Variants in PCDH9 observed in about 807,000 individuals in gnomAD.
PCDH9 encodes the protein protocadherin 9, also known as protocadherin-9.
In PCDH9, 24 loss-of-function variants were observed where a neutral mutation model predicts 70.6. That is an observed-to-expected ratio of 0.34 (90% CI 0.25 to 0.48). The LOEUF is 0.48. Among genes scored for constraint, PCDH9 ranks in the 20% least tolerant of loss-of-function variants. The pLI is 0.99. For missense variants in PCDH9, 1,281 were observed against 1,503.6 expected, an observed-to-expected ratio of 0.85 and a Z score of 2.45; for synonymous variants, 562 against 558.5, an observed-to-expected ratio of 1.01 and a Z score of -0.09.
At chr13:66,866,099 T>C (rs1031328895) in intron 3 of PCDH9, among the ~76,000 whole-genome samples, 12 of 152,188 alleles carry the variant, frequency 7.9e-5, no homozygotes, top group African/African-American at 2.9e-4. Context: ...GGAATAAATA[T>C]GTGCACACAA....
intron 3 of PCDH9, among the ~76,000 whole-genome samples, chr13:66,852,606 A>C (rs975854589): frequency 6.6e-6 from 1 of 152,136 alleles, no homozygotes; most frequent in African/African-American, 2.4e-5. Context: ...CCTTCTTACC[A>C]ACTTCATCTT....
intron 4 of PCDH9, among the ~76,000 whole-genome samples, chr13:66,400,725 T>C (rs538685555): frequency 6.6e-6 from 1 of 152,268 alleles, no homozygotes; most frequent in African/African-American, 2.4e-5. Flanking sequence ...CTCAAGAAAA[T>C]TTGAGTGGAA....
chr13:66,628,724 A>AT (rs2077530826), intron 4 of PCDH9, among the ~76,000 whole-genome samples: 1 of 152,246 alleles, frequency 6.6e-6, no homozygotes, highest in South Asian at 2.1e-4. Flanking sequence ...TTCTTCAAAT[A>AT]GATTTTCAGT....
intron 2 of PCDH9, among the ~76,000 whole-genome samples, chr13:66,917,131 AT>A (rs2139634527): frequency 6.6e-6 from 1 of 151,654 alleles, no homozygotes; most frequent in East Asian, 1.9e-4. Flanking sequence ...TGAAACTTTT[AT>A]CCACTCATTT....
chr13:66,504,620 C>T (rs534581693), intron 4 of PCDH9, among the ~76,000 whole-genome samples: 1 of 152,270 alleles, frequency 6.6e-6, no homozygotes, highest in African/African-American at 2.4e-5. Flanking sequence ...ATAGACTGAA[C>T]TTGTATGAGC....
chr13:67,008,264 C>T (rs920691450), intron 2 of PCDH9, among the ~76,000 whole-genome samples: 5 of 152,044 alleles, frequency 3.3e-5, no homozygotes, highest in Admixed American at 1.3e-4. Context: ...CTATAACTAA[C>T]AGTGGAATTT....
intron 4 of PCDH9, among the ~76,000 whole-genome samples, chr13:66,611,987 C>G (rs1157284648): frequency 6.6e-6 from 1 of 152,162 alleles, no homozygotes; most frequent in Non-Finnish European, 1.5e-5. Flanking sequence ...TCTTCAGTCT[C>G]TTACTTAAGA....
At chr13:66,709,697 T>G (rs2078766740) in intron 3 of PCDH9, among the ~76,000 whole-genome samples, 1 of 152,204 alleles carries the variant, frequency 6.6e-6, no homozygotes, top group Non-Finnish European at 1.5e-5. Context: ...TAAATATGTT[T>G]GTAACATGGG....
At position 66,721,178 on chromosome 13, in the gene PCDH9, A is replaced by G. The variant is rs180919370; in HGVS notation, c.3139-89767T>C. On this transcript the variant is annotated intron_variant, in intron 3 of 4. Coordinates refer to ENST00000377865, the MANE Select transcript of PCDH9 (RefSeq NM_203487.3). ...TGTTGTTGTACAGGCTGTGCTGATG[A>G]TATTTGACTAATTTGGGAATAATTA... Among the ~76,000 whole-genome samples, 234 of 152,296 alleles carry G rather than the reference A, an allele frequency of 1.5e-3. 7 individuals are homozygous for G. Among genetic ancestry groups the G allele is most frequent in the Admixed American group, 0.011 (166 of 15,298 alleles).
rs148320012 is a variant in PCDH9, at chr13:66,335,076, C to T, written c.3341-30048G>A. On this transcript the variant is annotated intron_variant, in intron 4 of 4. Coordinates refer to ENST00000377865, the MANE Select transcript of PCDH9 (RefSeq NM_203487.3). ...GCAATTCATCTAAATAGCCTTCAAA[C>T]CCTTGGTGTTTTCATCACATCACAG... Among the ~76,000 whole-genome samples the T allele has an allele frequency of 4.5e-4, 68 of 152,126 alleles. 1 individual carries two copies. In the East Asian group the frequency reaches 0.013, roughly 29 times the overall value.
chr13:67,104,205 C>T (rs1011256522), intron 2 of PCDH9, among the ~76,000 whole-genome samples: 9 of 152,118 alleles, frequency 5.9e-5, no homozygotes, highest in African/African-American at 2.2e-4. Context: ...CTAGATTTAA[C>T]TGTGAGGATA....
At chr13:66,932,039 G>A (rs1156774879) in intron 2 of PCDH9, among the ~76,000 whole-genome samples, 1 of 152,140 alleles carries the variant, frequency 6.6e-6, no homozygotes, top group Non-Finnish European at 1.5e-5. Flanking sequence ...AGATTAGTGA[G>A]AGGAAAGTCA....
chr13:66,720,128 T>A (rs547712467), intron 3 of PCDH9, among the ~76,000 whole-genome samples: 1 of 152,108 alleles, frequency 6.6e-6, no homozygotes, highest in African/African-American at 2.4e-5. Flanking sequence ...TTAGGACCAT[T>A]TCCTAGATTT....
intron 2 of PCDH9, among the ~76,000 whole-genome samples, chr13:67,191,363 A>C (rs1422481855): frequency 2.0e-5 from 3 of 152,168 alleles, no homozygotes; most frequent in Non-Finnish European, 2.9e-5. Flanking sequence ...AGGTACTAAC[A>C]TATTATTGGC....
chr13:66,962,823 G>C (rs2083370359), intron 2 of PCDH9, among the ~76,000 whole-genome samples: 1 of 152,030 alleles, frequency 6.6e-6, no homozygotes, highest in Non-Finnish European at 1.5e-5. Flanking sequence ...CCATGGATTG[G>C]GGTTGGGGGC....
chr13:66,401,067 G>C (rs1240750233), intron 4 of PCDH9, among the ~76,000 whole-genome samples: 3 of 152,182 alleles, frequency 2.0e-5, no homozygotes, highest in Non-Finnish European at 4.4e-5. Flanking sequence ...TTTTGACCTG[G>C]TGCAATGGTA....
Position 67,157,966 on chromosome 13 carries a change from A to G in PCDH9, c.3036+67439T>C, listed in dbSNP as rs146127458. 6.7e-4 allele frequency among the ~76,000 whole-genome samples: 102 copies of G among 152,362 alleles called. 2 individuals carry two copies. The East Asian group carries it at 0.018, about 27-fold the overall frequency. On this transcript the variant is annotated intron_variant, in intron 2 of 4. Transcript: ENST00000377865. ...ACATTAATTAAAAACAAAAAATCAT[A>G]AAGCATCTGTGGTGAGTTTAGATGC... is the stretch of plus-strand genomic sequence containing the variant.
intron 2 of PCDH9, among the ~76,000 whole-genome samples, chr13:67,003,436 T>G (rs931163642): frequency 2.6e-5 from 4 of 152,338 alleles, no homozygotes; most frequent in Admixed American, 6.5e-5. Flanking sequence ...TAACATGTAT[T>G]GTTATCACAT....
intron 3 of PCDH9, among the ~76,000 whole-genome samples, chr13:66,710,708 T>C (rs1038409725): frequency 1.3e-5 from 2 of 152,194 alleles, no homozygotes; most frequent in African/African-American, 4.8e-5. Context: ...CCAGGTGTTA[T>C]TGATATTAGG....
Sources: allele counts gnomAD v4.1 joint callset (sites outside exome capture counted in the v4.1 genomes callset), GRCh38; gene constraint gnomAD v4.1.1; transcripts MANE v1.5; gene names NCBI Gene and HGNC (gene_info 2026-07-23, HGNC 2026-07-21).